Variants in PREX2 observed in about 807,000 individuals in gnomAD.
The protein encoded by PREX2 is phosphatidylinositol-3,4,5-trisphosphate dependent Rac exchange factor 2.
In PREX2, 107 loss-of-function variants were observed where a neutral mutation model predicts 203.2. The ratio of observed to expected loss-of-function variants is 0.53; its 90% CI spans 0.45 to 0.62. The LOEUF (loss-of-function observed/expected upper bound fraction) is 0.62, where lower values mean the gene tolerates loss of function less well. Among genes scored for constraint, PREX2 ranks in the 20% least tolerant of loss-of-function variants. The pLI is 0.00. For synonymous variants in PREX2, 672 were observed against 663.6 expected (o/e 1.01, Z -0.19); for missense variants, 1,777 against 1,955.9 (o/e 0.91, Z 1.72).
At chr8:68,034,997 A>G (rs548072713) in intron 6 of PREX2, among the ~76,000 whole-genome samples, 1 of 151,940 alleles carries the variant, frequency 6.6e-6, no homozygotes, top group East Asian at 1.9e-4. Flanking sequence ...GAGGCGCAAA[A>G]TTTCAATGAA....
At chr8:67,982,773 C>T (rs769742201) in intron 1 of PREX2, among the ~76,000 whole-genome samples, 4 of 152,116 alleles carry the variant, frequency 2.6e-5, no homozygotes, top group Admixed American at 1.3e-4. Flanking sequence ...ATTTTTCTGA[C>T]CCTCAAGATG....
chr8:68,158,579 G>A (rs1178045402), intron 35 of PREX2, among the ~76,000 whole-genome samples: 3 of 152,136 alleles, frequency 2.0e-5, no homozygotes, highest in African/African-American at 7.2e-5. Context: ...GGTTGGCTAT[G>A]CATTGTTAAG....
chr8:68,104,456 C>T (rs1810351870), intron 23 of PREX2, among the ~76,000 whole-genome samples: 1 of 152,114 alleles, frequency 6.6e-6, no homozygotes, highest in Middle Eastern at 3.2e-3. Context: ...ACTGGCTCTT[C>T]CCTCTGCCAA....
chr8:68,076,367 G>C (rs1347272993), intron 14 of PREX2, among the ~76,000 whole-genome samples: 2 of 152,084 alleles, frequency 1.3e-5, no homozygotes. Flanking sequence ...TGAGGTGGGA[G>C]AATCGCTTGA....
intron 10 of PREX2, among the ~76,000 whole-genome samples, chr8:68,059,009 TTAAAG>T (rs1232468966): frequency 3.9e-5 from 6 of 152,150 alleles, no homozygotes; most frequent in Non-Finnish European, 5.9e-5. Context: ...TTTTTCTGCC[TTAAAG>T]TATTTTTGTA....
At chr8:68,212,664 A>G (rs572440082) in intron 37 of PREX2, among the ~76,000 whole-genome samples, 18 of 152,138 alleles carry the variant, frequency 1.2e-4, no homozygotes, top group Non-Finnish European at 2.4e-4. Flanking sequence ...TTTGTAACAT[A>G]CTCTTTGCCT....
In PREX2 at chr8:68,075,464, C is replaced by T. The variant is rs147596144; in HGVS notation, c.1570-1933C>T. ...TGTACCCTCTAAAGCTCTGCTGCAG[C>T]GTCATCACCCCCAGGAAGCCTCGCC... On this transcript the variant is annotated intron_variant, in intron 14 of 39. Coordinates refer to ENST00000288368, the MANE Select transcript of PREX2 (RefSeq NM_024870.4). Among the ~76,000 whole-genome samples the T allele has an allele frequency of 6.8e-4, 103 of 152,304 alleles. 1 individual carries two copies. Among genetic ancestry groups the T allele is most frequent in the African/African-American group, 2.0e-3 (85 of 41,574 alleles).
intron 25 of PREX2, among the ~76,000 whole-genome samples, chr8:68,112,825 C>A (rs1332886104): frequency 2.0e-5 from 3 of 152,038 alleles, no homozygotes; most frequent in African/African-American, 7.3e-5. Flanking sequence ...AATAATAATA[C>A]CTACTTCATA....
intron 24 of PREX2, 62 bp from the exon 25 acceptor site, chr8:68,109,354 C>A: frequency 8.3e-7 from 1 of 1,204,628 alleles, no homozygotes; most frequent in Non-Finnish European, 1.2e-6. Flanking sequence ...ATTAATTGGA[C>A]TGGGTTGTTA....
At chr8:68,203,889 T>C (rs1251105014) in intron 37 of PREX2, among the ~76,000 whole-genome samples, 1 of 152,146 alleles carries the variant, frequency 6.6e-6, no homozygotes, top group Non-Finnish European at 1.5e-5. Context: ...AACCACATAC[T>C]AGACATCTCT....
rs181798137 is a variant in PREX2 at position 68,230,516 on chromosome 8, T to A, written c.4776-817T>A. 4.6e-5 allele frequency among the ~76,000 whole-genome samples: 7 copies of A among 152,296 alleles called. No homozygotes were observed. The East Asian group carries it at 9.7e-4, about 21-fold the overall frequency. On this transcript the variant is annotated intron_variant, in intron 39 of 39. Coordinates refer to ENST00000288368, the MANE Select transcript of PREX2 (RefSeq NM_024870.4). ...GTAAGTAATGCATATGGCCTTGAGA[T>A]CACTAGGGCTATCAAGCAGCTATTA...
At position 68,224,549 on chromosome 8, in the gene PREX2, T is replaced by G; in HGVS notation, c.4708-10T>G. 3.1e-6 allele frequency: 5 copies of G among 1,612,188 alleles called. No homozygotes were observed. The highest frequency in any genetic ancestry group is 4.2e-6 in the Non-Finnish European group (5 of 1,178,334). On this transcript the variant is annotated splice_polypyrimidine_tract_variant and intron_variant, in intron 38 of 39. Transcript: ENST00000288368. ...ACTGTAGGGATAAAAGTGATTTTCC[T>G]GACTTTCAGGGAGCAAGAGTTCAGA...
intron 38 of PREX2, among the ~76,000 whole-genome samples, chr8:68,218,555 C>T (rs1241940992): frequency 6.6e-6 from 1 of 152,272 alleles, no homozygotes; most frequent in South Asian, 2.1e-4. Context: ...GTTTGAGTTG[C>T]CCAGTGACAG....
chr8:68,055,651 T>A (rs1389312411), intron 9 of PREX2, among the ~76,000 whole-genome samples, 179 bp from the exon 10 acceptor site: 1 of 152,166 alleles, frequency 6.6e-6, no homozygotes, highest in Non-Finnish European at 1.5e-5. Context: ...GGATCTTGCC[T>A]TGCAGGTCTC....
chr8:67,969,817 G>A (rs1036172319), intron 1 of PREX2, among the ~76,000 whole-genome samples: 3 of 152,130 alleles, frequency 2.0e-5, no homozygotes, highest in Admixed American at 1.3e-4. Context: ...TTTTGCTACC[G>A]CTGTGTAAAA....
chr8:68,182,441 C>A (rs1043462675), intron 35 of PREX2, among the ~76,000 whole-genome samples: 1 of 152,022 alleles, frequency 6.6e-6, no homozygotes, highest in Admixed American at 6.6e-5. Flanking sequence ...TTGTTAAATA[C>A]TTTCCTTTAA....
chr8:68,219,232 G>T (rs940915225), intron 38 of PREX2, among the ~76,000 whole-genome samples: 1 of 151,992 alleles, frequency 6.6e-6, no homozygotes, highest in African/African-American at 2.4e-5. Flanking sequence ...CATTTCTACT[G>T]TATAGATTTG....
At chr8:68,150,115 ATGAGCCCATCATTTCTGAGAGAGGATC>A (rs1811404128) in intron 34 of PREX2, among the ~76,000 whole-genome samples, 1 of 152,188 alleles carries the variant, frequency 6.6e-6, no homozygotes, top group South Asian at 2.1e-4. Context: ...CAGCCGGGCA[ATGAGCCCATCATTTCTGAGAGAGGATC>A]TGAGCCAGTG....
At chr8:68,116,266 G>C (rs2129612992) in intron 26 of PREX2, among the ~76,000 whole-genome samples, 1 of 152,272 alleles carries the variant, frequency 6.6e-6, no homozygotes, top group Non-Finnish European at 1.5e-5. Context: ...TCAACTATCT[G>C]TTTCTGTCAC....
Sources: gnomAD v4.1 joint callset for allele counts (sites outside exome capture counted in the v4.1 genomes callset) on GRCh38, gnomAD v4.1.1 for gene constraint, MANE v1.5 for transcripts, NCBI Gene and HGNC (gene_info 2026-07-23, HGNC 2026-07-21) for gene names.